ATP2C1: variants seen among roughly 807,000 people sequenced by gnomAD.
ATP2C1 encodes the protein calcium-transporting ATPase type 2C member 1.
Under a neutral mutation model 120.5 loss-of-function variants are expected in ATP2C1, and 31 were observed. That is an observed-to-expected ratio of 0.26 (90% CI 0.19 to 0.35). ATP2C1 has a LOEUF of 0.35. Ranked by LOEUF, ATP2C1 falls within the 10% of genes least tolerant of loss-of-function variation. ATP2C1 has a pLI of 1.00. For missense variants in ATP2C1, 731 were observed against 1,107.5 expected, an observed-to-expected ratio of 0.66 and a Z score of 4.83; for synonymous variants, 351 against 358.7, an observed-to-expected ratio of 0.98 and a Z score of 0.24.
chr3:130,896,521 A>G (rs2069644814), intron 2 of ATP2C1, among the ~76,000 whole-genome samples: 2 of 152,262 alleles, frequency 1.3e-5, no homozygotes, highest in African/African-American at 4.8e-5. Flanking sequence ...GCCTGTATAT[A>G]GCCTAGAAAT....
chr3:130,919,068 C>G (rs2058820436), intron 2 of ATP2C1: 16 of 488,970 alleles, frequency 3.3e-5, no homozygotes, highest in South Asian at 2.5e-4. Context: ...CTGCGTGGTG[C>G]ACGGCCCTCC....
chr3:130,984,406 C>A (rs1037941276), intron 20 of ATP2C1, among the ~76,000 whole-genome samples: 5 of 152,134 alleles, frequency 3.3e-5, no homozygotes, highest in African/African-American at 1.2e-4. Context: ...ACATATATTG[C>A]TGAATTGTCC....
downstream of ATP2C1, among the ~76,000 whole-genome samples, chr3:131,003,667 C>T (rs574901967): frequency 4.6e-5 from 7 of 152,170 alleles, no homozygotes; most frequent in Non-Finnish European, 1.0e-4. Flanking sequence ...ACCCTCCCCT[C>T]TCAGGATACA....
chr3:130,877,858 A>T (rs1315388859), intron 1 of ATP2C1, among the ~76,000 whole-genome samples: 3 of 152,152 alleles, frequency 2.0e-5, no homozygotes, highest in African/African-American at 7.2e-5. Context: ...TTGCGGCACT[A>T]TTCACAATAG....
At chr3:130,941,071 C>T (rs1375525110) in intron 7 of ATP2C1, among the ~76,000 whole-genome samples, 2 of 151,670 alleles carry the variant, frequency 1.3e-5, no homozygotes, top group Non-Finnish European at 2.9e-5. Context: ...CCTGCCACCA[C>T]GCCCAGATTA....
At chr3:130,963,245 T>A (rs1206157408) in intron 12 of ATP2C1, 1 of 152,080 alleles carries the variant, frequency 6.6e-6, no homozygotes, top group Non-Finnish European at 1.5e-5. Flanking sequence ...AACCGCTATC[T>A]AGATTCAGAA....
intron 8 of ATP2C1, 107 bp downstream of exon 8, chr3:130,941,806 G>T (rs969186041): frequency 1.4e-5 from 14 of 975,546 alleles, no homozygotes; most frequent in Non-Finnish European, 2.1e-5. Flanking sequence ...GAACCATTTG[G>T]TATTCTACTT....
In ATP2C1 at chr3:130,949,732, C is replaced by G. The variant is rs900160995; in HGVS notation, c.532-4089C>G. 2.7e-5 allele frequency among the ~76,000 whole-genome samples: 4 copies of G among 150,102 alleles called. No homozygotes were observed. The Admixed American group carries it at 2.7e-4, about 10-fold the overall frequency. On this transcript the variant is annotated intron_variant, in intron 8 of 27. Transcript: ENST00000510168. ...ATATATCGTTTTCAGTAATACGTAA[C>G]ATAACACTTGGTTGGTTTGGCTTTG...
At chr3:130,950,876 T>TAA (rs34848553) in intron 8 of ATP2C1, among the ~76,000 whole-genome samples, 4,569 of 150,568 alleles carry the variant, frequency 0.03, 221 homozygotes, top group African/African-American at 0.1. Context: ...AACAACAGAT[T>TAA]AAAAAAAAAA....
At chr3:130,940,202 T>C (rs1262003581) in intron 6 of ATP2C1, among the ~76,000 whole-genome samples, 1 of 152,236 alleles carries the variant, frequency 6.6e-6, no homozygotes, top group East Asian at 1.9e-4. Context: ...TGTAAACCAT[T>C]GCTGTTAGCA....
At chr3:130,932,190 T>A (rs1576769880) in intron 4 of ATP2C1, 52 bp downstream of exon 4, 4 of 1,082,128 alleles carry the variant, frequency 3.7e-6, no homozygotes, top group Non-Finnish European at 5.7e-6. Flanking sequence ...ATACATGGAC[T>A]TCTGTTATGT....
In ATP2C1 at chr3:130,930,591, C is replaced by T; in HGVS notation, c.117+65C>T. ...AGTCAGTCACTTAGACTCTATAAAACAGTGCTGTCTAATTTACTTTTCTTC... is the reference window on the plus strand; with the variant it reads ...AGTCAGTCACTTAGACTCTATAAAATAGTGCTGTCTAATTTACTTTTCTTC... On this transcript the variant is annotated intron_variant, in intron 3 of 27. Transcript: ENST00000510168. The T allele has an allele frequency of 1.3e-5, 13 of 1,021,008 alleles. No homozygotes were observed. The South Asian group carries it at 1.7e-4, about 13-fold the overall frequency. 63.2% of individuals were successfully genotyped at this position (1,021,008 alleles called of 1,614,324 possible). A position where few individuals can be genotyped will look rare whatever the true frequency, so the allele number is the denominator to read the frequency against.
At chr3:130,878,921 C>A (rs1175189267) in intron 1 of ATP2C1, among the ~76,000 whole-genome samples, 1 of 152,128 alleles carries the variant, frequency 6.6e-6, no homozygotes, top group African/African-American at 2.4e-5. Flanking sequence ...GTCTATATCA[C>A]TCCTAAAATT....
chr3:130,915,448 G>C (rs1224404171), intron 2 of ATP2C1, among the ~76,000 whole-genome samples: 1 of 152,060 alleles, frequency 6.6e-6, no homozygotes, highest in Non-Finnish European at 1.5e-5. Context: ...TATAGTGTTA[G>C]TTGAAAAATT....
At chr3:130,878,350 AT>A (rs2068674546) in intron 1 of ATP2C1, among the ~76,000 whole-genome samples, 1 of 152,076 alleles carries the variant, frequency 6.6e-6, no homozygotes, top group Non-Finnish European at 1.5e-5. Flanking sequence ...TACTTCTGTC[AT>A]TTTGTTAATT....
chr3:130,911,296 C>A (rs1313058337), intron 2 of ATP2C1, among the ~76,000 whole-genome samples: 1 of 148,786 alleles, frequency 6.7e-6, no homozygotes, highest in Non-Finnish European at 1.5e-5. Context: ...GTAGTGATAT[C>A]CCCTTTATCA....
intron 2 of ATP2C1, among the ~76,000 whole-genome samples, chr3:130,913,084 C>G (rs1402977210): frequency 8.3e-6 from 1 of 120,256 alleles, no homozygotes; most frequent in African/African-American, 3.3e-5. Flanking sequence ...AGGGGAATAT[C>G]ACACTCTGGG....
Position 130,894,860 on chromosome 3 carries a change from T to G in ATP2C1, c.6+85T>G, listed in dbSNP as rs1240467229. 3.7e-6 allele frequency: 5 copies of G among 1,351,652 alleles called. No individual in the cohort carries two copies. The highest frequency in any genetic ancestry group is 4.3e-6 in the Non-Finnish European group (4 of 940,910). 83.7% of individuals were successfully genotyped at this position (1,351,652 alleles called of 1,614,324 possible). ...AAGTTGTCTTTGTTTTTCCACCTTTTTATTTTCGTGAGCTTATTTATTTAC... is the reference window on the plus strand; with the variant it reads ...AAGTTGTCTTTGTTTTTCCACCTTTGTATTTTCGTGAGCTTATTTATTTAC... On this transcript the variant is annotated intron_variant, in intron 2 of 27. Transcript: ENST00000510168. This position sits in a 1 kb window ranked among gnomAD's most constrained non-coding sequence, Gnocchi z 4.5.
chr3:130,937,530 G>A, intron 6 of ATP2C1, 67 bp downstream of exon 6: 2 of 1,351,718 alleles, frequency 1.5e-6, no homozygotes, highest in South Asian at 1.2e-5. Context: ...GTGTCTTGTG[G>A]TAGAACCTAC....
Sources: allele counts gnomAD v4.1 joint callset (sites outside exome capture counted in the v4.1 genomes callset), GRCh38; gene constraint gnomAD v4.1.1; non-coding constraint Gnocchi (gnomAD v3.1); transcripts MANE v1.5; gene names NCBI Gene and HGNC (gene_info 2026-07-23, HGNC 2026-07-21).